TAF1: variants seen among roughly 807,000 people sequenced by gnomAD.
TAF1 encodes TATA-box binding protein associated factor 1.
TAF1 carries 2 observed loss-of-function variants against 138.5 expected under a neutral mutation model. The observed-to-expected ratio is 0.01, with a 90% CI of 0.01 to 0.05. TAF1 has a LOEUF of 0.05. Ranked by LOEUF, TAF1 falls within the 10% of genes least tolerant of loss-of-function variation. The pLI is 1.00. For synonymous variants in TAF1, 437 were observed against 503.2 expected (o/e 0.87, Z 1.76); for missense variants, 709 against 1,478.0 (o/e 0.48, Z 8.53).
chrX:71,404,951 CTTTTTTTTTTTT>C (rs1170234048), intron 25 of TAF1, among the ~76,000 whole-genome samples: 1 of 74,876 alleles, frequency 1.3e-5, no homozygotes, highest in Non-Finnish European at 2.5e-5. Context: ...TTATTCCAAA[CTTTTTTTTTTTT>C]TTTTTTTTTT....
chrX:71,519,872 C>T (rs779871185), intron 13 of TAF1, among the ~76,000 whole-genome samples: 1 of 109,994 alleles, frequency 9.1e-6, no homozygotes, highest in African/African-American at 3.3e-5. Flanking sequence ...GTGGCTCGAT[C>T]TAGGCTCACT....
At chrX:71,451,630 G>A (rs1391499002) in intron 32 of TAF1, among the ~76,000 whole-genome samples, 4 of 110,048 alleles carry the variant, frequency 3.6e-5, no homozygotes, top group African/African-American at 1.3e-4. Flanking sequence ...GCGGCCTTCC[G>A]CAGTGTTTGT....
intron 32 of TAF1, among the ~76,000 whole-genome samples, chrX:71,444,020 C>G (rs1162711205): frequency 9.1e-6 from 1 of 110,058 alleles, no homozygotes; most frequent in Non-Finnish European, 1.9e-5. Context: ...CCTGTGTTTT[C>G]TTTTTGAGAC....
chrX:71,460,870 C>T, intron 37 of TAF1, 67 bp downstream of exon 37: 2 of 1,144,940 alleles, frequency 1.7e-6, no homozygotes, highest in Non-Finnish European at 1.2e-6. Context: ...AGGGGCCCAA[C>T]ATCAGATTAC....
chrX:71,460,605 A>G, intron 36 of TAF1, 21 bp from the exon 37 acceptor site: 2 of 1,209,017 alleles, frequency 1.7e-6, no homozygotes, highest in Non-Finnish European at 2.2e-6. Flanking sequence ...TTGATGACCC[A>G]GAATCTGTCT....
intron 28 of TAF1, among the ~76,000 whole-genome samples, chrX:71,417,692 C>T (rs2036096764): frequency 9.0e-6 from 1 of 111,306 alleles, no homozygotes; most frequent in Admixed American, 9.6e-5. Context: ...TGTTGTAAAA[C>T]AACTTATAGC....
chrX:71,443,114 T>A (rs1161877924), intron 32 of TAF1, among the ~76,000 whole-genome samples: 2 of 112,103 alleles, frequency 1.8e-5, no homozygotes, highest in Non-Finnish European at 3.8e-5. Flanking sequence ...AGCTTTGTTC[T>A]CTTGGCTTAG....
chrX:71,449,656 T>C (rs982006053), intron 32 of TAF1, among the ~76,000 whole-genome samples: 17 of 112,583 alleles, frequency 1.5e-4, no homozygotes, highest in African/African-American at 5.5e-4. Context: ...GTTTTAGCCA[T>C]GAGGCAGGTC....
At chrX:71,447,598 G>A (rs1323165369) in intron 32 of TAF1, among the ~76,000 whole-genome samples, 2 of 109,217 alleles carry the variant, frequency 1.8e-5, no homozygotes, top group African/African-American at 6.7e-5. Context: ...TGGGGAGGCT[G>A]AGGCAGGAGA....
Position 71,509,189 on chromosome X carries a change from A to T in TAF1, c.1367-19353A>T, listed in dbSNP as rs188252543. On this transcript the variant is annotated intron_variant and NMD_transcript_variant, in intron 13 of 14. Coordinates refer to the TAF1 transcript ENST00000373775. The stretch of plus-strand genomic sequence containing the variant: ...TTTCAAACAAGTGAACAACAGGCTT[A>T]TGTTTTAGGTAAATTCTTCTATTAA... Among the ~76,000 whole-genome samples the T allele has an allele frequency of 1.5e-3, 172 of 111,970 alleles. 1 individual carries two copies. The highest frequency in any genetic ancestry group is 9.2e-3 in the Middle Eastern group (2 of 217).
At chrX:71,368,278 T>A in intron 3 of TAF1, 108 bp downstream of exon 3, 1 of 812,515 alleles carries the variant, frequency 1.2e-6, no homozygotes, top group Non-Finnish European at 1.7e-6. Context: ...TTCTGCTCTC[T>A]ATGCCTTTGC....
chrX:71,492,101 G>GT (rs893455329), intron 13 of TAF1: 7 of 113,252 alleles, frequency 6.2e-5, no homozygotes, highest in African/African-American at 1.6e-4. Flanking sequence ...TATAAGCCCT[G>GT]TTTTTTTTCT....
intron 13 of TAF1, among the ~76,000 whole-genome samples, chrX:71,524,068 CCGGAGTGCAGTGGCA>C (rs1163095821): frequency 9.7e-5 from 10 of 103,169 alleles, no homozygotes; most frequent in African/African-American, 3.2e-4. Context: ...GTCACCCAGG[CCGGAGTGCAGTGGCA>C]CAAACACGGC....
At chrX:71,404,781 A>G (rs1442834445) in intron 25 of TAF1, among the ~76,000 whole-genome samples, 2 of 110,627 alleles carry the variant, frequency 1.8e-5, no homozygotes, top group South Asian at 3.8e-4. Context: ...TTAGAAATCA[A>G]TATATTTATT....
At chrX:71,488,678 C>G (rs115708176) in intron 13 of TAF1, among the ~76,000 whole-genome samples, 374 of 111,774 alleles carry the variant, frequency 3.3e-3, no homozygotes, top group African/African-American at 0.012. Flanking sequence ...AGTCTTTCTT[C>G]TTAGCTCAGA....
intron 35 of TAF1, 122 bp downstream of exon 35, chrX:71,458,488 G>A: frequency 4.1e-6 from 4 of 965,012 alleles, no homozygotes; most frequent in Non-Finnish European, 5.5e-6. Flanking sequence ...TTGGCCCTGG[G>A]AATGAAAGCT....
chrX:71,375,796 C>T (rs775533923), intron 4 of TAF1, among the ~76,000 whole-genome samples: 2 of 112,294 alleles, frequency 1.8e-5, no homozygotes, highest in Non-Finnish European at 3.8e-5. Context: ...GTGATCCGCT[C>T]GCCTTGGTCT....
chrX:71,461,749 C>T (rs547855735), intron 37 of TAF1, among the ~76,000 whole-genome samples: 2 of 111,638 alleles, frequency 1.8e-5, no homozygotes, highest in Admixed American at 1.9e-4. Context: ...AGATATGGTC[C>T]CTTCCTTCAA....
At chrX:71,474,273 G>A (rs951624648) in intron 13 of TAF1, among the ~76,000 whole-genome samples, 6 of 111,905 alleles carry the variant, frequency 5.4e-5, no homozygotes, top group Non-Finnish European at 9.4e-5. Context: ...TGAAGGATGT[G>A]ATTAGATTTA....
Sources: allele counts gnomAD v4.1 joint callset (sites outside exome capture counted in the v4.1 genomes callset), GRCh38; gene constraint gnomAD v4.1.1; transcripts MANE v1.5; gene names NCBI Gene and HGNC (gene_info 2026-07-23, HGNC 2026-07-21).